TANGO6: variants seen among roughly 807,000 people sequenced by gnomAD.
The protein encoded by TANGO6 is transport and Golgi organization protein 6 homolog.
A neutral mutation model predicts 114.2 loss-of-function variants in TANGO6; 90 were observed. The ratio of observed to expected loss-of-function variants is 0.79; its 90% CI spans 0.66 to 0.94. TANGO6 has a LOEUF of 0.94. TANGO6 is among the 40% of genes least tolerant of loss of function. TANGO6 has a pLI of 0.00. For missense variants in TANGO6, 1,274 were observed against 1,315.3 expected (o/e 0.97, Z 0.49); for synonymous variants, 477 against 509.8 (o/e 0.94, Z 0.87).
At chr16:68,978,317 G>T (rs1293372051) in intron 15 of TANGO6, among the ~76,000 whole-genome samples, 4 of 152,304 alleles carry the variant, frequency 2.6e-5, no homozygotes, top group Admixed American at 2.6e-4. Flanking sequence ...TGAAAGGCTG[G>T]ATAGAGTTGA....
chr16:69,055,936 G>A (rs1346490560), intron 17 of TANGO6, among the ~76,000 whole-genome samples: 1 of 152,144 alleles, frequency 6.6e-6, no homozygotes, highest in Non-Finnish European at 1.5e-5. Flanking sequence ...CTACTTGGGA[G>A]GCTGAGGCAG....
At chr16:68,865,753 C>CAAAAA (rs367608096) in intron 3 of TANGO6, among the ~76,000 whole-genome samples, 1,629 of 114,970 alleles carry the variant, frequency 0.014, 21 homozygotes, top group Admixed American at 0.021. Context: ...ACTAAAAATA[C>CAAAAA]AAAAAAAAAA....
In TANGO6 at chr16:68,928,028, A is replaced by G. The variant is rs777468566; in HGVS notation, c.2588A>G (p.His863Arg). Residue 863 changes from histidine to arginine, a missense_variant, in exon 13 of 18, where the codon CAC (histidine) becomes CGC (arginine). Physicochemically the swap from His to Arg is conservative, Grantham distance 29. Around this residue, in one of 5 missense-constraint regions of TANGO6, gnomAD observed 908 missense variants for 910.2 expected, o/e 1.00. Transcript: ENST00000261778. ...TRAAALRTLS[H>R]WIEQREAKAL... ...GCTGCTGCCCTGCGTACTCTTTCCCACTGGATAGAGCAGAGAGAAGCAAAA... is the reference window on the plus strand; with the variant it reads ...GCTGCTGCCCTGCGTACTCTTTCCCGCTGGATAGAGCAGAGAGAAGCAAAA... 9 of 1,605,150 alleles carry G rather than the reference A, an allele frequency of 5.6e-6. No individual in the cohort carries two copies. The highest frequency in any genetic ancestry group is 7.7e-6 in the Non-Finnish European group (9 of 1,175,744).
intron 17 of TANGO6, among the ~76,000 whole-genome samples, chr16:69,044,914 G>A (rs1291841213): frequency 6.6e-6 from 1 of 152,060 alleles, no homozygotes; most frequent in African/African-American, 2.4e-5. Flanking sequence ...CCAGCACTTT[G>A]TTTGGGAGGC....
intron 11 of TANGO6, among the ~76,000 whole-genome samples, chr16:68,912,354 C>T (rs1962934249): frequency 6.6e-6 from 1 of 152,074 alleles, no homozygotes; most frequent in Admixed American, 6.6e-5. Flanking sequence ...AAAAACTAGA[C>T]CGGGTGCAGT....
At chr16:69,024,788 A>G (rs1374307879) in intron 16 of TANGO6, among the ~76,000 whole-genome samples, 1 of 152,042 alleles carries the variant, frequency 6.6e-6, no homozygotes, top group East Asian at 1.9e-4. Flanking sequence ...ATAAATAAGT[A>G]AGTGAAATAC....
At chr16:69,006,517 G>C (rs1964093129) in intron 15 of TANGO6, among the ~76,000 whole-genome samples, 1 of 152,064 alleles carries the variant, frequency 6.6e-6, no homozygotes, top group Admixed American at 6.6e-5. Flanking sequence ...GCCAAGGAAA[G>C]TGGATCACCT....
chr16:68,952,599 C>T (rs1021052206), intron 14 of TANGO6, among the ~76,000 whole-genome samples: 20 of 152,192 alleles, frequency 1.3e-4, no homozygotes, highest in Admixed American at 6.5e-5. Context: ...AATGAAGCAT[C>T]AATTACCCCC....
chr16:68,866,451 A>G (rs1221359672), intron 3 of TANGO6, among the ~76,000 whole-genome samples: 5 of 149,252 alleles, frequency 3.4e-5, no homozygotes, highest in Non-Finnish European at 5.9e-5. Flanking sequence ...GTGAAACCCC[A>G]TCTCTACTAA....
chr16:69,072,731 A>C (rs1172415066), intron 17 of TANGO6, among the ~76,000 whole-genome samples: 2 of 152,192 alleles, frequency 1.3e-5, no homozygotes, highest in African/African-American at 4.8e-5. Flanking sequence ...AGATCCGGTA[A>C]CTGATAACAG....
intron 5 of TANGO6, 45 bp downstream of exon 5, chr16:68,875,335 A>G (rs1962337564): frequency 6.3e-7 from 1 of 1,590,244 alleles, no homozygotes; most frequent in African/African-American, 1.3e-5. Context: ...TTATCTGCTT[A>G]TTTACAGAAA....
chr16:69,022,748 C>A, intron 15 of TANGO6, 80 bp from the exon 16 acceptor site: 1 of 1,437,374 alleles, frequency 7.0e-7, no homozygotes, highest in Non-Finnish European at 9.4e-7. Flanking sequence ...ATGCAGTGAA[C>A]TATGGAAATA....
intron 15 of TANGO6, among the ~76,000 whole-genome samples, chr16:68,983,814 A>G (rs1300447777): frequency 6.6e-6 from 1 of 152,086 alleles, no homozygotes; most frequent in Non-Finnish European, 1.5e-5. Flanking sequence ...CGGGCGGATC[A>G]TGAGGTCAGG....
intron 15 of TANGO6, among the ~76,000 whole-genome samples, chr16:68,993,624 C>A (rs1471831738): frequency 2.6e-5 from 4 of 152,188 alleles, no homozygotes; most frequent in Non-Finnish European, 5.9e-5. Context: ...AAGTTATAGT[C>A]TCAATCCACA....
chr16:68,915,191 AAG>A (rs1491140669), intron 11 of TANGO6, among the ~76,000 whole-genome samples: 30 of 151,782 alleles, frequency 2.0e-4, no homozygotes, highest in African/African-American at 7.2e-4. Context: ...AAAAAAAAAA[AAG>A]TGGAGAGGAA....
chr16:69,030,619 C>T (rs572493841), intron 16 of TANGO6, among the ~76,000 whole-genome samples: 140 of 152,086 alleles, frequency 9.2e-4, no homozygotes, highest in Middle Eastern at 3.4e-3. Context: ...CCTCCTGGCT[C>T]ACAGCAAGAA....
At chr16:68,892,855 C>T (rs1962645179) in intron 7 of TANGO6, among the ~76,000 whole-genome samples, 1 of 152,104 alleles carries the variant, frequency 6.6e-6, no homozygotes, top group Admixed American at 6.6e-5. Context: ...CACTTAACCC[C>T]AGAGAGGCTT....
chr16:68,887,350 T>C (rs1962553065), intron 7 of TANGO6, among the ~76,000 whole-genome samples: 1 of 152,184 alleles, frequency 6.6e-6, no homozygotes, highest in Non-Finnish European at 1.5e-5. Context: ...TTATACACTA[T>C]CCTGATCAGA....
intron 14 of TANGO6, among the ~76,000 whole-genome samples, chr16:68,964,280 G>T (rs1963622702): frequency 6.6e-6 from 1 of 151,496 alleles, no homozygotes. Flanking sequence ...ATTATTATTT[G>T]CCAATTAAAA....
Sources: allele counts gnomAD v4.1 joint callset (sites outside exome capture counted in the v4.1 genomes callset), GRCh38; gene constraint gnomAD v4.1.1; regional missense constraint gnomAD v4.1.1; transcripts MANE v1.5; gene names NCBI Gene and HGNC (gene_info 2026-07-23, HGNC 2026-07-21).